The following PRKN variants were observed in gnomAD, a reference collection of about 807,000 sequenced individuals.
PRKN encodes the protein parkin RBR E3 ubiquitin protein ligase.
A neutral mutation model predicts 59.5 loss-of-function variants in PRKN; 56 were observed. The observed-to-expected ratio is 0.94, with a 90% confidence interval of 0.76 to 1.18. The LOEUF (loss-of-function observed/expected upper bound fraction) is 1.18. PRKN is among the 50% of genes most tolerant of loss of function. The pLI is 0.00. For missense variants in PRKN, 657 were observed against 596.4 expected (o/e 1.10, Z -1.06); for synonymous variants, 250 against 222.1 (o/e 1.13, Z -1.12).
At chr6:162,470,506 G>C (rs939895283) in intron 1 of PRKN, among the ~76,000 whole-genome samples, 1 of 152,000 alleles carries the variant, frequency 6.6e-6, no homozygotes, top group African/African-American at 2.4e-5. Context: ...CAGGAGAATC[G>C]CTTGAACCCG....
intron 2 of PRKN, among the ~76,000 whole-genome samples, chr6:162,308,872 A>G (rs1782349824): frequency 6.6e-6 from 1 of 152,120 alleles, no homozygotes; most frequent in South Asian, 2.1e-4. Flanking sequence ...CTAATCAGTC[A>G]TATGATAATA....
intron 4 of PRKN, among the ~76,000 whole-genome samples, chr6:162,059,277 G>C (rs1777998105): frequency 6.6e-6 from 1 of 152,028 alleles, no homozygotes; most frequent in African/African-American, 2.4e-5. Context: ...AATGGTGTAA[G>C]TAGTAAAACT....
intron 1 of PRKN, among the ~76,000 whole-genome samples, chr6:162,458,117 G>A (rs1039193692): frequency 3.3e-5 from 5 of 150,580 alleles, no homozygotes; most frequent in Non-Finnish European, 7.4e-5. Context: ...AGCCAGGCGT[G>A]GTGGCACACA....
chr6:162,217,593 T>C (rs937477857), intron 3 of PRKN, among the ~76,000 whole-genome samples: 2 of 152,166 alleles, frequency 1.3e-5, no homozygotes, highest in Non-Finnish European at 2.9e-5. Context: ...GGTTTCACCA[T>C]GTTGGTCAGG....
At chr6:161,420,918 T>A (rs1788074941) in intron 9 of PRKN, among the ~76,000 whole-genome samples, 1 of 152,196 alleles carries the variant, frequency 6.6e-6, no homozygotes, top group Admixed American at 6.5e-5. Flanking sequence ...TACTAAATCA[T>A]GTGCTACAAT....
chr6:162,111,503 C>A (rs1344975857), intron 4 of PRKN, among the ~76,000 whole-genome samples: 2 of 152,036 alleles, frequency 1.3e-5, no homozygotes, highest in Non-Finnish European at 2.9e-5. Context: ...CAAACAAATC[C>A]ACCAACACAC....
intron 5 of PRKN, among the ~76,000 whole-genome samples, chr6:162,050,483 T>TC (rs397746880): frequency 1.3e-5 from 2 of 151,636 alleles, no homozygotes; most frequent in African/African-American, 4.9e-5. Context: ...TCTTTTTTTT[T>TC]CATCTCTCAA....
At chr6:162,579,192 G>A (rs922809810) in intron 1 of PRKN, among the ~76,000 whole-genome samples, 23 of 152,128 alleles carry the variant, frequency 1.5e-4, no homozygotes, top group African/African-American at 5.6e-4. Context: ...CCAGTCCATT[G>A]AATCTATCTG....
At chr6:162,309,241 T>C (rs546336051) in intron 2 of PRKN, among the ~76,000 whole-genome samples, 3 of 152,162 alleles carry the variant, frequency 2.0e-5, no homozygotes, top group African/African-American at 7.2e-5. Context: ...GCTGGCTCAC[T>C]GCAACCTACG....
Position 161,353,216 on chromosome 6 carries a change from T to C in PRKN, c.1286-3005A>G, listed in dbSNP as rs1349400498. Among the ~76,000 whole-genome samples, 1 of 152,160 alleles carries C rather than the reference T, an allele frequency of 6.6e-6. No individual in the cohort carries two copies. The highest frequency in any genetic ancestry group is 1.5e-5 in the Non-Finnish European group (1 of 68,018). ...AGAATCTCTCCCTCCGACCTTTCCT[T>C]GCCCTCCTTTTACCAGCCCAGGGCA... On this transcript the variant is annotated intron_variant, in intron 11 of 11. Coordinates refer to ENST00000366898, the MANE Select transcript of PRKN (RefSeq NM_004562.3). This position sits in a 1 kb window ranked among gnomAD's most constrained non-coding sequence, Gnocchi z 4.8.
intron 9 of PRKN, among the ~76,000 whole-genome samples, chr6:161,509,879 C>CAAAAAAAAAA (rs1175501223): frequency 2.0e-5 from 1 of 49,372 alleles, no homozygotes; most frequent in African/African-American, 5.9e-5. Context: ...GACTCCATCT[C>CAAAAAAAAAA]AAAAAAAAAA....
At chr6:162,262,423 C>T (rs767705737) in intron 3 of PRKN, 102 bp downstream of exon 3, 13 of 1,411,408 alleles carry the variant, frequency 9.2e-6, no homozygotes, top group Admixed American at 3.3e-5. Context: ...CAATCCAAAA[C>T]GTATCATAAA....
At chr6:162,098,645 G>A (rs1779843700) in intron 4 of PRKN, among the ~76,000 whole-genome samples, 1 of 152,166 alleles carries the variant, frequency 6.6e-6, no homozygotes, top group Admixed American at 6.5e-5. Flanking sequence ...TCCCTACCTA[G>A]AAAATCCTTC....
intron 2 of PRKN, among the ~76,000 whole-genome samples, chr6:162,361,292 C>A (rs561202867): frequency 1.3e-5 from 2 of 152,038 alleles, no homozygotes; most frequent in African/African-American, 4.8e-5. Flanking sequence ...TATGTTGAAC[C>A]CCTAACCCCC....
intron 2 of PRKN, among the ~76,000 whole-genome samples, chr6:162,263,544 C>T (rs1232878005): frequency 6.6e-6 from 1 of 152,138 alleles, no homozygotes; most frequent in Non-Finnish European, 1.5e-5. Context: ...TTTGCATCTA[C>T]ATATTGACAC....
intron 3 of PRKN, among the ~76,000 whole-genome samples, chr6:162,242,354 G>T (rs11754161): frequency 3.9e-5 from 6 of 151,998 alleles, no homozygotes; most frequent in African/African-American, 1.2e-4. Context: ...AGAAAATGCA[G>T]GCCAGAAACT....
rs192687389 is a variant in PRKN, at chr6:161,632,831, G to A, written c.872-63415C>T. On this transcript the variant is annotated intron_variant, in intron 7 of 11. Coordinates refer to ENST00000366898, the MANE Select transcript of PRKN (RefSeq NM_004562.3). ...GATACCCCTTATAAAACCAAATCTC[G>A]TGAGAACTCACTCACTATCATGAGA... 3.9e-5 allele frequency among the ~76,000 whole-genome samples: 6 copies of A among 152,048 alleles called. No homozygotes were observed. In the East Asian group the frequency reaches 7.8e-4, roughly 20 times the overall value.
chr6:161,763,498 T>C (rs1192157721), intron 7 of PRKN, among the ~76,000 whole-genome samples: 2 of 151,882 alleles, frequency 1.3e-5, no homozygotes, highest in African/African-American at 4.8e-5. Context: ...CTTGCAGGAG[T>C]TGACGAAGAG....
intron 1 of PRKN, among the ~76,000 whole-genome samples, chr6:162,468,683 T>C (rs1247123072): frequency 6.6e-6 from 1 of 152,180 alleles, no homozygotes; most frequent in Non-Finnish European, 1.5e-5. Context: ...CAGCAAATAT[T>C]TCTTGAGCAG....
Sources: allele counts gnomAD v4.1 joint callset (sites outside exome capture counted in the v4.1 genomes callset), GRCh38; gene constraint gnomAD v4.1.1; non-coding constraint Gnocchi (gnomAD v3.1); transcripts MANE v1.5; gene names NCBI Gene and HGNC (gene_info 2026-07-23, HGNC 2026-07-21).